Variants in IGSF21 observed in about 807,000 individuals in gnomAD.
The protein encoded by IGSF21 is immunoglobin superfamily member 21.
Under a neutral mutation model 46.8 loss-of-function variants are expected in IGSF21, and 28 were observed. That is an observed-to-expected ratio of 0.60 (90% CI 0.44 to 0.82). The LOEUF is 0.82. Ranked by LOEUF, IGSF21 falls within the 40% of genes least tolerant of loss-of-function variation. IGSF21 has a pLI of 0.00. For synonymous variants in IGSF21, 284 were observed against 273.6 expected, an observed-to-expected ratio of 1.04 and a Z score of -0.38; for missense variants, 624 against 665.5, an observed-to-expected ratio of 0.94 and a Z score of 0.69.
chr1:18,201,991 A>T (rs1301115589), intron 1 of IGSF21, among the ~76,000 whole-genome samples: 3 of 152,152 alleles, frequency 2.0e-5, no homozygotes, highest in Admixed American at 6.5e-5. Flanking sequence ...AGTTGCCCCA[A>T]AAGTGGCCAG....
chr1:18,176,908 C>T (rs749917), intron 1 of IGSF21, among the ~76,000 whole-genome samples: 34,857 of 152,182 alleles, frequency 0.23, 5,328 homozygotes, highest in East Asian at 0.47. Flanking sequence ...GCCTTGCCCA[C>T]TGCTTATTGA....
At chr1:18,153,699 G>A (rs2086541786) in intron 1 of IGSF21, among the ~76,000 whole-genome samples, 1 of 151,820 alleles carries the variant, frequency 6.6e-6, no homozygotes, top group African/African-American at 2.4e-5. Flanking sequence ...CATCTGTGGT[G>A]GTCCAGCTAG....
chr1:18,322,246 C>G lies in IGSF21; in HGVS notation c.306-12646C>G, dbSNP rs894604672. ...CTCCTGGAACTCAAGGGCGAGGGAC[C>G]TGATGCTGACCTTGCCCACAGTAGG... is the stretch of plus-strand genomic sequence containing the variant. On this transcript the variant is annotated intron_variant, in intron 3 of 9. Transcript: ENST00000251296. The surrounding 1 kb of genome is among the most constrained non-coding windows in gnomAD (Gnocchi z 4.3). 6.6e-6 allele frequency among the ~76,000 whole-genome samples: 1 copy of G among 152,122 alleles called. No homozygotes were observed.
intron 1 of IGSF21, among the ~76,000 whole-genome samples, chr1:18,163,918 A>C (rs145213407): frequency 1.1e-4 from 16 of 152,330 alleles, no homozygotes; most frequent in African/African-American, 3.8e-4. Context: ...AAAATGATTT[A>C]TATGAAAAGG....
At chr1:18,251,853 A>G (rs1376075366) in intron 2 of IGSF21, among the ~76,000 whole-genome samples, 1 of 152,152 alleles carries the variant, frequency 6.6e-6, no homozygotes, top group Non-Finnish European at 1.5e-5. Context: ...AGGGAAGTGG[A>G]CACATGTAAC....
chr1:18,288,711 C>T (rs191924427), intron 2 of IGSF21, among the ~76,000 whole-genome samples: 2 of 152,320 alleles, frequency 1.3e-5, no homozygotes, highest in East Asian at 1.9e-4. Context: ...CCCACCTGAG[C>T]GTGTCTGAGC....
chr1:18,364,324 T>A (rs1476757932), intron 5 of IGSF21, among the ~76,000 whole-genome samples: 5 of 152,032 alleles, frequency 3.3e-5, no homozygotes, highest in Non-Finnish European at 7.4e-5. Flanking sequence ...CAGGCTATCA[T>A]GTGCAGAAGA....
chr1:18,370,683 A>G (rs758416199), intron 6 of IGSF21, among the ~76,000 whole-genome samples: 1 of 152,224 alleles, frequency 6.6e-6, no homozygotes, highest in Admixed American at 6.5e-5. Context: ...CTATAGAATG[A>G]GAGAAAATAC....
intron 1 of IGSF21, among the ~76,000 whole-genome samples, chr1:18,128,003 A>T (rs1158371139): frequency 6.6e-6 from 1 of 152,150 alleles, no homozygotes; most frequent in Non-Finnish European, 1.5e-5. Context: ...ACTAAAGGAG[A>T]GAGGGCATTT....
chr1:18,278,719 A>G, intron 2 of IGSF21: 1 of 406,206 alleles, frequency 2.5e-6, no homozygotes. Context: ...ATGCCTGGCT[A>G]ATTTTCTGAT....
intron 3 of IGSF21, among the ~76,000 whole-genome samples, chr1:18,309,003 T>C (rs2085454548): frequency 6.6e-6 from 1 of 152,030 alleles, no homozygotes; most frequent in Non-Finnish European, 1.5e-5. Flanking sequence ...CTCATATTGC[T>C]ACCTCCAAGG....
rs576543049 is a variant in IGSF21 at position 18,367,312 on chromosome 1, C to T, written c.1015+1615C>T. Among the ~76,000 whole-genome samples the T allele has an allele frequency of 2.6e-5, 4 of 152,310 alleles. No homozygotes were observed. The East Asian group carries it at 7.7e-4, about 29-fold the overall frequency. ...TGTACGGATAGTATGTACTATGTGC[C>T]AGGAACATCTGCAAGGATTCTCATC... On this transcript the variant is annotated intron_variant, in intron 6 of 9. Coordinates refer to ENST00000251296, the MANE Select transcript of IGSF21 (RefSeq NM_032880.5).
At chr1:18,133,771 T>C (rs1218833376) in intron 1 of IGSF21, among the ~76,000 whole-genome samples, 1 of 152,220 alleles carries the variant, frequency 6.6e-6, no homozygotes, top group Non-Finnish European at 1.5e-5. Flanking sequence ...CCGATCCCCG[T>C]TATGGGGCTG....
intron 2 of IGSF21, among the ~76,000 whole-genome samples, chr1:18,283,429 C>T (rs1232722696): frequency 1.3e-5 from 2 of 152,158 alleles, no homozygotes; most frequent in Non-Finnish European, 2.9e-5. Flanking sequence ...GAGGACAGAG[C>T]CTGCCCTACC....
chr1:18,358,110 A>T (rs181992713), intron 4 of IGSF21, among the ~76,000 whole-genome samples: 4 of 151,932 alleles, frequency 2.6e-5, no homozygotes, highest in Non-Finnish European at 5.9e-5. Context: ...CTGTGCAAAG[A>T]ATCCTAGCCA....
intron 7 of IGSF21, 100 bp downstream of exon 7, chr1:18,376,495 G>A (rs897737968): frequency 4.6e-6 from 4 of 873,314 alleles, no homozygotes; most frequent in East Asian, 2.4e-5. Flanking sequence ...CTCTTCCTTT[G>A]ATCCCCAGCC....
chr1:18,147,461 T>C (rs1382321296), intron 1 of IGSF21, among the ~76,000 whole-genome samples: 1 of 152,168 alleles, frequency 6.6e-6, no homozygotes, highest in African/African-American at 2.4e-5. Flanking sequence ...CTTCCTGTCC[T>C]GCAGGGCTGA....
chr1:18,373,784 C>G (rs914168031), intron 6 of IGSF21, among the ~76,000 whole-genome samples: 9 of 152,000 alleles, frequency 5.9e-5, no homozygotes, highest in African/African-American at 2.2e-4. Flanking sequence ...CAAGCCACTG[C>G]CCCCCTGGAG....
chr1:18,245,058 T>G (rs1025501712), intron 2 of IGSF21, among the ~76,000 whole-genome samples: 2 of 152,226 alleles, frequency 1.3e-5, no homozygotes, highest in African/African-American at 4.8e-5. Context: ...TGATTATAAT[T>G]TCTTGCCTTA....
Sources: allele counts gnomAD v4.1 joint callset (sites outside exome capture counted in the v4.1 genomes callset), GRCh38; gene constraint gnomAD v4.1.1; non-coding constraint Gnocchi (gnomAD v3.1); transcripts MANE v1.5; gene names NCBI Gene and HGNC (gene_info 2026-07-23, HGNC 2026-07-21).